Variants in TACC1 observed in about 807,000 individuals in gnomAD.
The protein encoded by TACC1 is transforming acidic coiled-coil-containing protein 1.
Under a neutral mutation model 84.4 loss-of-function variants are expected in TACC1, and 48 were observed. The ratio of observed to expected loss-of-function variants is 0.57; its 90% CI spans 0.45 to 0.72. The LOEUF (loss-of-function observed/expected upper bound fraction) is 0.72, where lower values mean the gene tolerates loss of function less well. Ranked by LOEUF, TACC1 falls within the 30% of genes least tolerant of loss-of-function variation. TACC1 has a pLI of 0.00. For missense variants in TACC1, 920 were observed against 973.0 expected (o/e 0.95, Z 0.72); for synonymous variants, 372 against 376.3 (o/e 0.99, Z 0.13).
Position 38,819,570 on chromosome 8 carries a change from G to C in TACC1, c.326G>C (p.Cys109Ser), listed in dbSNP as rs1399554248. The C allele has an allele frequency of 6.2e-6, 10 of 1,613,542 alleles. No homozygotes were observed. Among genetic ancestry groups the C allele is most frequent in the Non-Finnish European group, 7.6e-6 (9 of 1,179,490 alleles). The stretch of plus-strand genomic sequence containing the variant: ...CTTGTAGCAGAAGTGGTTGAAAAAT[G>C]TTCATCTAAGACTTGTTCTAAACCT... ...EQLVAEVVEK[C>S]SSKTCSKPSE... The change falls in exon 3 of 13, where the codon TGT becomes TCT. Residue 109 changes from cysteine (C) to serine (S), a missense_variant. Coordinates refer to ENST00000317827, the MANE Select transcript of TACC1 (RefSeq NM_006283.3).
chr8:38,756,109 C>G (rs117798485), intron 3 of TACC1, among the ~76,000 whole-genome samples: 1 of 151,856 alleles, frequency 6.6e-6, no homozygotes, highest in Non-Finnish European at 1.5e-5. Context: ...CCACCGCGCC[C>G]GGCCGGGAAG....
At position 38,787,428 on chromosome 8, in the gene TACC1, C is replaced by G. The variant is rs891105337; in HGVS notation, c.-155C>G. ...GCTGCCGGCGGGAGGAAGCGCTCCA[C>G]CAGGGCCCCCGACGGCACTCGTTTA... On this transcript the variant is annotated 5_prime_UTR_variant, in exon 1 of 13. Coordinates refer to ENST00000317827, the MANE Select transcript of TACC1 (RefSeq NM_006283.3). The G allele has an allele frequency of 3.7e-6, 5 of 1,353,402 alleles. No individual in the cohort carries two copies. In the African/African-American group the frequency reaches 6.2e-5, roughly 17 times the overall value. 83.8% of individuals were successfully genotyped at this position (1,353,402 alleles called of 1,614,324 possible).
At chr8:38,846,933 AT>A in intron 12 of TACC1, 114 bp downstream of exon 12, 1 of 1,274,372 alleles carries the variant, frequency 7.8e-7, no homozygotes, top group Non-Finnish European at 1.1e-6. Context: ...CTACTCAGAC[AT>A]TTCAGTCCAG....
Position 38,842,288 on chromosome 8 carries a change from A to T in TACC1, c.1962A>T (p.Glu654Asp). The change falls in exon 10 of 13, where the codon GAA becomes GAT. Residue 654 changes from glutamate to aspartate, a missense_variant and splice_region_variant. Around this residue, in one of 2 missense-constraint regions of TACC1, gnomAD observed 158 missense variants for 225.6 expected, o/e 0.70. Transcript: ENST00000317827. Reference protein sequence around the residue: ...EYEKTIAQMIEDEQRTSMTSQ... With the variant: ...EYEKTIAQMIDDEQRTSMTSQ... ...TTCCTTTTGACTTGTGATTCCCAGA[A>T]GATGAACAAAGGACAAGTATGACCT... 6.2e-7 allele frequency: 1 copy of T among 1,606,050 alleles called. No individual in the cohort carries two copies. Among genetic ancestry groups the T allele is most frequent in the Non-Finnish European group, 8.5e-7 (1 of 1,178,012 alleles).
chr8:38,771,572 G>A (rs1314110714), intron 3 of TACC1, among the ~76,000 whole-genome samples: 3 of 151,848 alleles, frequency 2.0e-5, no homozygotes, highest in Admixed American at 6.6e-5. Flanking sequence ...AGAGAGTGAG[G>A]GTGTACAACA....
At chr8:38,732,647 C>T (rs1805184744) in intron 1 of TACC1, among the ~76,000 whole-genome samples, 1 of 152,164 alleles carries the variant, frequency 6.6e-6, no homozygotes. Context: ...AAGTGCTTCC[C>T]CTGCGTCACC....
At chr8:38,774,795 G>A (rs554961071) in intron 3 of TACC1, among the ~76,000 whole-genome samples, 47 of 152,130 alleles carry the variant, frequency 3.1e-4, no homozygotes, top group African/African-American at 8.4e-4. Context: ...GGCGGATCAC[G>A]AGGTCAGGAG....
At chr8:38,799,062 C>G (rs1327047232) in intron 2 of TACC1, among the ~76,000 whole-genome samples, 1 of 152,220 alleles carries the variant, frequency 6.6e-6, no homozygotes, top group Non-Finnish European at 1.5e-5. Context: ...ACAGTCTCCT[C>G]AGGGCAGACC....
chr8:38,729,932 G>GA (rs1195581324), intron 1 of TACC1, among the ~76,000 whole-genome samples: 1 of 152,204 alleles, frequency 6.6e-6, no homozygotes, highest in African/African-American at 2.4e-5. Context: ...CCTTGGAAGG[G>GA]ATGCAGGTCC....
intron 1 of TACC1, among the ~76,000 whole-genome samples, chr8:38,740,003 A>G (rs561931372): frequency 2.0e-5 from 3 of 152,362 alleles, no homozygotes; most frequent in African/African-American, 7.2e-5. Flanking sequence ...GACTGATTTC[A>G]GCTCAAGAGA....
At chr8:38,764,569 T>C (rs1479680474) in intron 3 of TACC1, among the ~76,000 whole-genome samples, 3 of 152,224 alleles carry the variant, frequency 2.0e-5, no homozygotes, top group Non-Finnish European at 4.4e-5. Flanking sequence ...TTGCCTGTTA[T>C]GGACTGGTAT....
chr8:38,808,851 T>A (rs184868794), intron 2 of TACC1, among the ~76,000 whole-genome samples: 48 of 152,310 alleles, frequency 3.2e-4, no homozygotes, highest in African/African-American at 1.0e-3. Flanking sequence ...TCTTTTTTTT[T>A]ATTCTCAGGG....
chr8:38,823,530 CA>C (rs1827336221), intron 3 of TACC1, among the ~76,000 whole-genome samples: 1 of 152,196 alleles, frequency 6.6e-6, no homozygotes, highest in African/African-American at 2.4e-5. Context: ...ATTTATTCTA[CA>C]CTTTATATTC....
chr8:38,803,152 T>G (rs1821818458), intron 2 of TACC1, among the ~76,000 whole-genome samples: 1 of 152,260 alleles, frequency 6.6e-6, no homozygotes, highest in South Asian at 2.1e-4. Context: ...CCTTGTTGGT[T>G]TCATTTATAG....
intron 3 of TACC1, among the ~76,000 whole-genome samples, chr8:38,760,801 C>G (rs574669824): frequency 6.6e-6 from 1 of 152,296 alleles, no homozygotes; most frequent in African/African-American, 2.4e-5. Flanking sequence ...GGATTACAGG[C>G]GTGAGCCACT....
chr8:38,838,628 G>A (rs998649711), intron 8 of TACC1, 82 bp downstream of exon 8: 2 of 1,182,926 alleles, frequency 1.7e-6, no homozygotes, highest in Non-Finnish European at 2.5e-6. Context: ...GACAGTGTTT[G>A]CTTGCCACAG....
chr8:38,794,928 A>G (rs562570852), intron 2 of TACC1, among the ~76,000 whole-genome samples: 13 of 152,332 alleles, frequency 8.5e-5, no homozygotes, highest in African/African-American at 2.9e-4. Context: ...TTTTGCTGTG[A>G]TTGCCTCTTC....
chr8:38,774,478 G>A (rs1178531906), intron 3 of TACC1, among the ~76,000 whole-genome samples: 1 of 152,054 alleles, frequency 6.6e-6, no homozygotes, highest in Non-Finnish European at 1.5e-5. Flanking sequence ...AAACACTAAA[G>A]GTATTTAAAA....
Position 38,787,730 on chromosome 8 carries a change from T to C in TACC1, c.148T>C (p.Ser50Pro). The change falls in exon 1 of 13, where the codon TCC becomes CCC. Residue 50 changes from serine to proline, a missense_variant. By Grantham distance (74) the Ser-to-Pro change is moderately conservative (BLOSUM62 -1). This residue lies in a region of TACC1 where 762 missense variants were observed against 747.3 expected (regional missense o/e 1.02). Coordinates refer to ENST00000317827, the MANE Select transcript of TACC1 (RefSeq NM_006283.3). Reference sequence around the variant, plus strand: ...GGAGGATTCGCAAGCCGAGACCAAATCCTTGAGTTTCAGGCAAGTACACGG... The same window carrying C: ...GGAGGATTCGCAAGCCGAGACCAAACCCTTGAGTTTCAGGCAAGTACACGG... ...EEEDSQAETK[S>P]LSFSSDSEGN... 1 of 1,543,808 alleles carries C rather than the reference T, an allele frequency of 6.5e-7. No individual in the cohort carries two copies. Among genetic ancestry groups the C allele is most frequent in the Non-Finnish European group, 8.7e-7 (1 of 1,153,658 alleles).
Sources: allele counts gnomAD v4.1 joint callset (sites outside exome capture counted in the v4.1 genomes callset), GRCh38; gene constraint gnomAD v4.1.1; regional missense constraint gnomAD v4.1.1; transcripts MANE v1.5; gene names NCBI Gene and HGNC (gene_info 2026-07-23, HGNC 2026-07-21).